The following SLC8A3 variants were observed in gnomAD, a reference collection of about 807,000 sequenced individuals.
The protein encoded by SLC8A3 is sodium/calcium exchanger 3.
SLC8A3 carries 37 observed loss-of-function variants against 65.4 expected under a neutral mutation model. The observed-to-expected ratio is 0.57, with a 90% CI of 0.44 to 0.74. SLC8A3 has a LOEUF of 0.74. SLC8A3 is among the 30% of genes least tolerant of loss of function. SLC8A3 has a pLI of 0.00. For missense variants in SLC8A3, 1,112 were observed against 1,172.1 expected (o/e 0.95, Z 0.75); for synonymous variants, 461 against 444.5 (o/e 1.04, Z -0.47).
chr14:70,145,411 G>A (rs1425545796), intron 2 of SLC8A3, among the ~76,000 whole-genome samples: 1 of 152,182 alleles, frequency 6.6e-6, no homozygotes, highest in Non-Finnish European at 1.5e-5. Flanking sequence ...ACTGGGTTTG[G>A]TTGGTGCCTG....
At chr14:70,174,159 C>A (rs545584751) in intron 1 of SLC8A3, among the ~76,000 whole-genome samples, 12 of 152,144 alleles carry the variant, frequency 7.9e-5, no homozygotes, top group South Asian at 4.1e-4. Flanking sequence ...TGACACATAC[C>A]CTAGGTTTGA....
rs1159904900 is a variant in SLC8A3, at chr14:70,060,954, A to G, written c.1785-15T>C. The G allele has an allele frequency of 8.3e-7, 1 of 1,209,342 alleles. No homozygotes were observed. Among genetic ancestry groups the G allele is most frequent in the Non-Finnish European group, 1.2e-6 (1 of 855,106 alleles). 74.9% of individuals were successfully genotyped at this position (1,209,342 alleles called of 1,614,324 possible). On this transcript the variant is annotated splice_polypyrimidine_tract_variant and intron_variant, in intron 2 of 6. Coordinates refer to ENST00000356921, the MANE Select transcript of SLC8A3 (RefSeq NM_182932.3). The stretch of plus-strand genomic sequence containing the variant: ...TTATGGTTTTCCTGTAGGGACAACA[A>G]GAGAGAGAGTGTGTCGACTGGGTCG...
intron 5 of SLC8A3, among the ~76,000 whole-genome samples, chr14:70,049,568 C>G (rs1334621722): frequency 6.6e-6 from 1 of 151,528 alleles, no homozygotes; most frequent in African/African-American, 2.4e-5. Flanking sequence ...CGCCATGGCA[C>G]GTGTATACCT....
At position 70,045,941 on chromosome 14, in the gene SLC8A3, T is replaced by C; in HGVS notation, c.*6A>G. 1 of 1,577,104 alleles carries C rather than the reference T, an allele frequency of 6.3e-7. No homozygotes were observed. The highest frequency in any genetic ancestry group is 8.6e-7 in the Non-Finnish European group (1 of 1,157,776). ...GCCTGCCCTGCTGGAGGCTCTGTTG[T>C]GTGGCTTAGAACCCCTTGATGTAGC... On this transcript the variant is annotated 3_prime_UTR_variant, in exon 7 of 7. Transcript: ENST00000356921.
intron 2 of SLC8A3, among the ~76,000 whole-genome samples, chr14:70,149,974 A>G (rs1594763326): frequency 6.6e-6 from 1 of 152,024 alleles, no homozygotes; most frequent in East Asian, 1.9e-4. Context: ...ATTTCCCTCT[A>G]CCTTCCTCCA....
chr14:70,094,090 T>C (rs1199072747), intron 2 of SLC8A3, among the ~76,000 whole-genome samples: 1 of 152,252 alleles, frequency 6.6e-6, no homozygotes, highest in Non-Finnish European at 1.5e-5. Flanking sequence ...CCTTCCTTGC[T>C]GACCTTTGCA....
chr14:70,183,274 G>T (rs1226102883), intron 1 of SLC8A3, among the ~76,000 whole-genome samples: 1 of 152,170 alleles, frequency 6.6e-6, no homozygotes, highest in African/African-American at 2.4e-5. Context: ...CTTCTTATTA[G>T]ATATGATTCT....
chr14:70,114,132 A>G (rs1893496275), intron 2 of SLC8A3, among the ~76,000 whole-genome samples: 1 of 152,216 alleles, frequency 6.6e-6, no homozygotes, highest in Non-Finnish European at 1.5e-5. Context: ...GGTTGTGTAC[A>G]GAGGTAACTG....
intron 2 of SLC8A3, among the ~76,000 whole-genome samples, chr14:70,119,695 C>T (rs1893913092): frequency 6.6e-6 from 1 of 152,240 alleles, no homozygotes; most frequent in African/African-American, 2.4e-5. Flanking sequence ...CTACCAACCA[C>T]TTATGCAACT....
chr14:70,087,280 A>G (rs1228018401), intron 2 of SLC8A3, among the ~76,000 whole-genome samples: 1 of 152,246 alleles, frequency 6.6e-6, no homozygotes, highest in Non-Finnish European at 1.5e-5. Context: ...ACAGGAAGAC[A>G]CAGACAGATG....
chr14:70,096,040 C>T (rs1013734361), intron 2 of SLC8A3, among the ~76,000 whole-genome samples: 1 of 152,094 alleles, frequency 6.6e-6, no homozygotes, highest in Non-Finnish European at 1.5e-5. Context: ...TGCCACCACG[C>T]CCAGCTAATT....
At chr14:70,169,720 C>A (rs930011745) in intron 1 of SLC8A3, among the ~76,000 whole-genome samples, 1 of 147,450 alleles carries the variant, frequency 6.8e-6, no homozygotes, top group East Asian at 2.1e-4. Context: ...TCTCCCTCTG[C>A]TACAACTGTG....
chr14:70,089,300 T>C (rs1891655501), intron 2 of SLC8A3, among the ~76,000 whole-genome samples: 1 of 152,172 alleles, frequency 6.6e-6, no homozygotes, highest in South Asian at 2.1e-4. Context: ...GGATGGCACT[T>C]AACATACTAA....
In SLC8A3 at chr14:70,168,053, T is replaced by C. The variant is rs1293469602; in HGVS notation, c.370A>G (p.Thr124Ala). The change falls in exon 2 of 7, where the codon ACC becomes GCC. Residue 124 changes from threonine to alanine, a missense_variant. Transcript: ENST00000356921. The part of the protein sequence containing the change: ...IKKPNGETST[T>A]TIRVWNETVS... The stretch of plus-strand genomic sequence containing the variant: ...GTTTCATTCCAGACCCGAATAGTGG[T>C]TGTGCTGGTTTCTCCATTGGGTTTC... 1 of 1,614,068 alleles carries C rather than the reference T, an allele frequency of 6.2e-7. No individual in the cohort carries two copies. The highest frequency in any genetic ancestry group is 1.1e-5 in the South Asian group (1 of 91,074).
At chr14:70,171,074 C>G (rs969765744) in intron 1 of SLC8A3, among the ~76,000 whole-genome samples, 1 of 152,200 alleles carries the variant, frequency 6.6e-6, no homozygotes, top group Non-Finnish European at 1.5e-5. Flanking sequence ...TGGCTCTTTA[C>G]TTTGACCTCT....
chr14:70,062,605 A>G (rs1036562068), intron 2 of SLC8A3, among the ~76,000 whole-genome samples: 3 of 152,228 alleles, frequency 2.0e-5, no homozygotes, highest in Non-Finnish European at 4.4e-5. Context: ...TTTTCCCACG[A>G]TGACAAAATT....
chr14:70,150,041 C>T (rs921815557), intron 2 of SLC8A3, among the ~76,000 whole-genome samples: 4 of 152,134 alleles, frequency 2.6e-5, no homozygotes, highest in Admixed American at 6.5e-5. Context: ...AAGCTAATCC[C>T]GGGATTGGGG....
intron 1 of SLC8A3, among the ~76,000 whole-genome samples, chr14:70,181,597 T>C (rs547652257): frequency 3.3e-5 from 5 of 152,200 alleles, no homozygotes; most frequent in Non-Finnish European, 7.4e-5. Context: ...GGCATTTGAA[T>C]TGAACACTGA....
chr14:70,055,322 C>A (rs1594896395), intron 3 of SLC8A3, among the ~76,000 whole-genome samples: 1 of 152,120 alleles, frequency 6.6e-6, no homozygotes, highest in Non-Finnish European at 1.5e-5. Context: ...ATTCCAGATT[C>A]TTTAAAAATT....
Sources: allele counts gnomAD v4.1 joint callset (sites outside exome capture counted in the v4.1 genomes callset), GRCh38; gene constraint gnomAD v4.1.1; transcripts MANE v1.5; gene names NCBI Gene and HGNC (gene_info 2026-07-23, HGNC 2026-07-21).